Variants in CIMAP3 observed in about 807,000 individuals in gnomAD.
The protein encoded by CIMAP3 is ciliary microtubule-associated protein 3.
At chr1:111,347,618 CTTTCTTTTTTTT>C in the CIMAP3 span, 1 of 928,432 alleles carries the variant, frequency 1.1e-6, no homozygotes, top group South Asian at 1.9e-5. Flanking sequence ...GTTGTTTTTT[CTTTCTTTTTTTT>C]TTTTTTTGGT....
the CIMAP3 span, chr1:111,346,976 CG>C: frequency 1.2e-6 from 2 of 1,614,018 alleles, no homozygotes; most frequent in East Asian, 2.2e-5. Context: ...TTCCATCCCC[CG>C]AATTTGATTG....
chr1:111,346,491 T>G, the CIMAP3 span: 2 of 1,008,268 alleles, frequency 2.0e-6, no homozygotes, highest in African/African-American at 1.7e-5. Flanking sequence ...GGCTCCAAGG[T>G]GCGGGTTCCT....
At chr1:111,331,432 CAT>C in the CIMAP3 span, among the ~76,000 whole-genome samples, 1 of 152,108 alleles carries the variant, frequency 6.6e-6, no homozygotes, top group African/African-American at 2.4e-5. Flanking sequence ...TTTCAAAGGA[CAT>C]GTCTTTTAAG....
the CIMAP3 span, among the ~76,000 whole-genome samples, chr1:111,335,199 A>G: frequency 6.6e-6 from 1 of 151,602 alleles, no homozygotes; most frequent in African/African-American, 2.4e-5. Flanking sequence ...AAAAAACAGA[A>G]AATTTCCTAC....
the CIMAP3 span, chr1:111,346,708 A>T: frequency 1.2e-6 from 2 of 1,601,482 alleles, no homozygotes; most frequent in South Asian, 2.2e-5. Flanking sequence ...AGTAGAGGGC[A>T]GGTAGGGGGA....
At chr1:111,331,681 G>T in the CIMAP3 span, among the ~76,000 whole-genome samples, 14 of 151,074 alleles carry the variant, frequency 9.3e-5, no homozygotes, top group Non-Finnish European at 1.8e-4. Context: ...TTCTTTTTTG[G>T]GGGGGGCATT....
chr1:111,347,618 CTTTCT>C, the CIMAP3 span: 82 of 929,276 alleles, frequency 8.8e-5, no homozygotes, highest in South Asian at 1.7e-4. Context: ...GTTGTTTTTT[CTTTCT>C]TTTTTTTTTT....
the CIMAP3 span, chr1:111,346,439 A>G: frequency 8.5e-6 from 5 of 588,808 alleles, no homozygotes; most frequent in South Asian, 8.9e-5. Flanking sequence ...GAAACCCTCT[A>G]CCCGCAGCCC....
chr1:111,332,735 G>A, the CIMAP3 span, among the ~76,000 whole-genome samples: 8 of 152,130 alleles, frequency 5.3e-5, no homozygotes, highest in Non-Finnish European at 1.0e-4. Context: ...CTTGGGCCTA[G>A]GACAATGGTG....
chr1:111,352,115 G>C, the CIMAP3 span: 1 of 151,686 alleles, frequency 6.6e-6, no homozygotes, highest in Non-Finnish European at 1.5e-5. Context: ...AACATTTATA[G>C]CCCCAGACTG....
chr1:111,339,898 G>T, the CIMAP3 span, among the ~76,000 whole-genome samples: 3 of 151,844 alleles, frequency 2.0e-5, no homozygotes, highest in Non-Finnish European at 4.4e-5. Context: ...GCATCGCCAA[G>T]TCAATCCTAA....
the CIMAP3 span, among the ~76,000 whole-genome samples, chr1:111,341,172 A>T: frequency 6.8e-6 from 1 of 147,828 alleles, no homozygotes; most frequent in Non-Finnish European, 1.5e-5. Flanking sequence ...ACATATGGAC[A>T]CAGGAAGGGG....
chr1:111,347,480 T>G, the CIMAP3 span, among the ~76,000 whole-genome samples: 6,946 of 152,220 alleles, frequency 0.046, 330 homozygotes, highest in African/African-American at 0.11. Context: ...CTGTATTACT[T>G]GTGTAATTCT....
the CIMAP3 span, among the ~76,000 whole-genome samples, chr1:111,340,845 T>A: frequency 4.6e-5 from 7 of 152,076 alleles, no homozygotes; most frequent in Non-Finnish European, 7.3e-5. Flanking sequence ...GACCCAGCCA[T>A]CCCATTACTG....
At chr1:111,350,463 A>G in the CIMAP3 span, among the ~76,000 whole-genome samples, 2 of 152,234 alleles carry the variant, frequency 1.3e-5, no homozygotes, top group Admixed American at 6.5e-5. Context: ...TTTGATCCTT[A>G]AATAACTTTT....
chr1:111,339,530 CA>C, the CIMAP3 span, among the ~76,000 whole-genome samples: 1 of 151,306 alleles, frequency 6.6e-6, no homozygotes, highest in African/African-American at 2.4e-5. Flanking sequence ...AATCAATGTG[CA>C]AAAATCACAA....
At chr1:111,335,045 T>G in the CIMAP3 span, among the ~76,000 whole-genome samples, 1 of 142,818 alleles carries the variant, frequency 7.0e-6, no homozygotes, top group Non-Finnish European at 1.5e-5. Flanking sequence ...GGAAAATCAC[T>G]TGAACATGGG....
the CIMAP3 span, among the ~76,000 whole-genome samples, chr1:111,331,921 CTAGGTGGAG>C: frequency 6.6e-6 from 1 of 152,058 alleles, no homozygotes; most frequent in African/African-American, 2.4e-5. Flanking sequence ...TGGCCTTGTT[CTAGGTGGAG>C]TAGTAGTGTG....
At chr1:111,344,603 G>A in the CIMAP3 span, among the ~76,000 whole-genome samples, 1 of 152,128 alleles carries the variant, frequency 6.6e-6, no homozygotes, top group Non-Finnish European at 1.5e-5. Context: ...CAATTCACCT[G>A]TTCTCAGCTG....
Sources: allele counts gnomAD v4.1 joint callset (sites outside exome capture counted in the v4.1 genomes callset), GRCh38; gene constraint gnomAD v4.1.1; transcripts MANE v1.5; gene names NCBI Gene and HGNC (gene_info 2026-07-23, HGNC 2026-07-21).